AFDN: variants seen among roughly 807,000 people sequenced by gnomAD.
AFDN encodes afadin.
Under a neutral mutation model 216.6 loss-of-function variants are expected in AFDN, and 68 were observed. That is an observed-to-expected ratio of 0.31 (90% CI 0.26 to 0.38). The LOEUF (loss-of-function observed/expected upper bound fraction) is 0.38, where lower values mean the gene tolerates loss of function less well. Among genes scored for constraint, AFDN ranks in the 10% least tolerant of loss-of-function variants. AFDN has a pLI of 1.00. For missense variants in AFDN, 2,136 were observed against 2,342.0 expected (o/e 0.91, Z 1.82); for synonymous variants, 868 against 853.7 (o/e 1.02, Z -0.29).
intron 23 of AFDN, among the ~76,000 whole-genome samples, chr6:167,935,122 T>C (rs1202606733): frequency 3.3e-5 from 5 of 152,350 alleles, no homozygotes; most frequent in East Asian, 3.9e-4. Flanking sequence ...TGGTTCATCC[T>C]TTTTTGTCCT....
intron 25 of AFDN, 59 bp from the exon 26 acceptor site, chr6:167,943,882 C>G: frequency 1.4e-6 from 2 of 1,385,224 alleles, no homozygotes; most frequent in Middle Eastern, 1.8e-4. Flanking sequence ...CACAGCGATT[C>G]ATGACAGAGC....
At chr6:167,948,063 A>C (rs1009100190) in intron 28 of AFDN, 119 bp downstream of exon 28, 2 of 846,186 alleles carry the variant, frequency 2.4e-6, no homozygotes, top group Admixed American at 2.9e-5. Context: ...ATAATTTCTA[A>C]ATTTGCAGTG....
Position 167,911,451 on chromosome 6 carries a change from G to A in AFDN, c.1999G>A (p.Val667Ile), listed in dbSNP as rs769690450. The A allele has an allele frequency of 3.3e-5, 53 of 1,613,976 alleles. No individual in the cohort carries two copies. The highest frequency in any genetic ancestry group is 1.6e-4 in the Middle Eastern group (1 of 6,084). Residue 667 changes from valine to isoleucine, a missense_variant, in exon 15 of 34, where the codon GTC becomes ATC. By Grantham distance (29) the Val-to-Ile change is conservative. Coordinates refer to ENST00000683244, the MANE Select transcript of AFDN (RefSeq NM_001386888.1). ...GCGCACACATAAAGTCATTGCAGTC[G>A]TCAACAAGATGGTGAGCATGATGGA... ...TERTHKVIAV[V>I]NKMVSMMEGV...
At chr6:167,884,951 A>G (rs903220369) in intron 6 of AFDN, among the ~76,000 whole-genome samples, 4 of 152,316 alleles carry the variant, frequency 2.6e-5, no homozygotes, top group Admixed American at 2.0e-4. Flanking sequence ...AGTGACCATC[A>G]GTGGTCTTAG....
chr6:167,904,253 G>A (rs1370487196), intron 12 of AFDN, among the ~76,000 whole-genome samples: 1 of 150,718 alleles, frequency 6.6e-6, no homozygotes, highest in Non-Finnish European at 1.5e-5. Context: ...CTCTCTCCCA[G>A]TTTGGAGTGC....
At chr6:167,925,287 G>C (rs1792367571) in intron 23 of AFDN, among the ~76,000 whole-genome samples, 196 bp downstream of exon 23, 1 of 152,180 alleles carries the variant, frequency 6.6e-6, no homozygotes, top group African/African-American at 2.4e-5. Flanking sequence ...GTTGAGGGAT[G>C]ATCTCCTACT....
Position 167,971,440 on chromosome 6 carries a change from C to T in AFDN, c.*1505C>T, listed in dbSNP as rs772216130. 1.1e-4 allele frequency: 22 copies of T among 195,418 alleles called. No homozygotes were observed. Among genetic ancestry groups the T allele is most frequent in the Non-Finnish European group, 2.1e-4 (20 of 94,798 alleles). The allele number at this position is 195,418 out of a possible 1,614,324, so 12.1% of individuals were successfully genotyped here. On this transcript the variant is annotated 3_prime_UTR_variant, in exon 34 of 34. Coordinates refer to ENST00000683244, the MANE Select transcript of AFDN (RefSeq NM_001386888.1). ...ATGCGAGTGTAAATATTTTTTTTTA[C>T]CTCTATCAGGGTTTTTATTTGAAAG...
chr6:167,891,056 C>T, intron 8 of AFDN, 27 bp downstream of exon 8: 1 of 1,506,450 alleles, frequency 6.6e-7, no homozygotes, highest in Non-Finnish European at 8.9e-7. Flanking sequence ...CACCAGCACA[C>T]ATTATTAATG....
At chr6:167,942,745 T>C (rs1434527089) in intron 23 of AFDN, among the ~76,000 whole-genome samples, 2 of 152,208 alleles carry the variant, frequency 1.3e-5, no homozygotes, top group Non-Finnish European at 2.9e-5. Context: ...TCTTAAACTA[T>C]ACGTATGAAA....
At chr6:167,854,400 C>G (rs893080336) in intron 1 of AFDN, among the ~76,000 whole-genome samples, 6 of 151,950 alleles carry the variant, frequency 3.9e-5, no homozygotes, top group Admixed American at 1.3e-4. Flanking sequence ...TGTCTTGGTA[C>G]TTTACCTATT....
intron 1 of AFDN, among the ~76,000 whole-genome samples, chr6:167,853,696 G>C (rs1018549392): frequency 6.6e-6 from 1 of 152,032 alleles, no homozygotes; most frequent in African/African-American, 2.4e-5. Context: ...CAGGTTGTGT[G>C]TTTGTGTCCT....
Position 167,907,234 on chromosome 6 carries a change from G to T in AFDN, c.1714G>T (p.Val572Leu). The change falls in exon 13 of 34, where the codon GTG becomes TTG. Residue 572 changes from valine to leucine, a missense_variant. Coordinates refer to ENST00000683244, the MANE Select transcript of AFDN (RefSeq NM_001386888.1). ...CTCTAGCACAGCCGAGCGGGGAATG[G>T]TGAAGCCGATGATCAGAGTAGAACA... The part of the protein sequence containing the change: ...SASSTAERGM[V>L]KPMIRVEQQP... The T allele has an allele frequency of 6.2e-7, 1 of 1,614,206 alleles. No individual in the cohort carries two copies. Among genetic ancestry groups the T allele is most frequent in the Non-Finnish European group, 8.5e-7 (1 of 1,180,020 alleles).
intron 11 of AFDN, among the ~76,000 whole-genome samples, chr6:167,901,400 C>T (rs1301038079): frequency 6.6e-6 from 1 of 152,040 alleles, no homozygotes; most frequent in South Asian, 2.1e-4. Flanking sequence ...TCGGTCCCAG[C>T]TTGTTAGACT....
chr6:167,951,716 G>C lies in AFDN; in HGVS notation c.4362G>C (p.Gln1454His). The change falls in exon 30 of 34, where the codon CAG becomes CAC. Residue 1454 changes from glutamine to histidine, a missense_variant. By Grantham distance (24) the Gln-to-His change is conservative (BLOSUM62 0). Transcript: ENST00000683244. This position sits in a 1 kb window ranked among gnomAD's most constrained non-coding sequence, Gnocchi z 7.1. ...QERKLGQMRT[Q>H]SLNPAPFSPL... Reference sequence around the variant, plus strand: ...GGAAGTTGGGCCAGATGCGCACTCAGTCCTTAAACCCTGCTCCGTTTTCTC... The same window carrying C: ...GGAAGTTGGGCCAGATGCGCACTCACTCCTTAAACCCTGCTCCGTTTTCTC... 1 of 1,614,124 alleles carries C rather than the reference G, an allele frequency of 6.2e-7. No individual in the cohort carries two copies.
chr6:167,832,830 T>C (rs919993444), intron 1 of AFDN, among the ~76,000 whole-genome samples: 1 of 152,226 alleles, frequency 6.6e-6, no homozygotes, highest in Non-Finnish European at 1.5e-5. Context: ...ATGTCAACCT[T>C]GGTTGCACAT....
chr6:167,950,427 TTCTC>T (rs147217918), intron 29 of AFDN, among the ~76,000 whole-genome samples: 2 of 150,928 alleles, frequency 1.3e-5, no homozygotes, highest in Non-Finnish European at 3.0e-5. Context: ...TGTGTGTCAT[TTCTC>T]TCTGTCTCTC....
intron 11 of AFDN, among the ~76,000 whole-genome samples, chr6:167,900,315 A>G (rs920884114): frequency 1.3e-5 from 2 of 152,212 alleles, no homozygotes; most frequent in African/African-American, 4.8e-5. Context: ...ACTGATGGTT[A>G]TAAACGAGTG....
At chr6:167,867,630 A>G (rs1400284268) in intron 2 of AFDN, among the ~76,000 whole-genome samples, 1 of 151,858 alleles carries the variant, frequency 6.6e-6, no homozygotes, top group Non-Finnish European at 1.5e-5. Context: ...ACAGGGTTTC[A>G]CTGTGTTGGC....
rs958976608 is a variant in AFDN, at chr6:167,971,915, A to G, written c.*1980A>G. On this transcript the variant is annotated 3_prime_UTR_variant, in exon 34 of 34. Transcript: ENST00000683244. ...ATAAACTTTGTATGTATTTAAGTGT[A>G]TTTGCTATTGTTTTGAAAGTGCTGA... 1.5e-5 allele frequency: 3 copies of G among 202,026 alleles called. No individual in the cohort carries two copies. The highest frequency in any genetic ancestry group is 2.0e-5 in the Non-Finnish European group (2 of 98,292). The allele number at this position is 202,026 out of a possible 1,614,324, so 12.5% of individuals were successfully genotyped here.
Sources: gnomAD v4.1 joint callset for allele counts (sites outside exome capture counted in the v4.1 genomes callset) on GRCh38, gnomAD v4.1.1 for gene constraint, Gnocchi (gnomAD v3.1) non-coding constraint, MANE v1.5 for transcripts, NCBI Gene and HGNC (gene_info 2026-07-23, HGNC 2026-07-21) for gene names.